The following SYTL2 variants were observed in gnomAD, a reference collection of about 807,000 sequenced individuals.
SYTL2 encodes synaptotagmin-like protein 2.
SYTL2 carries 165 observed loss-of-function variants against 198.7 expected under a neutral mutation model. The observed-to-expected ratio is 0.83, with a 90% CI of 0.73 to 0.94. SYTL2 has a LOEUF of 0.94. SYTL2 is among the 40% of genes least tolerant of loss of function. SYTL2 has a pLI of 0.00. For missense variants in SYTL2, 2,835 were observed against 2,582.8 expected (o/e 1.10, Z -2.12); for synonymous variants, 966 against 917.7 (o/e 1.05, Z -0.95).
At chr11:85,790,587 T>G (rs1200196386) in intron 1 of SYTL2, among the ~76,000 whole-genome samples, 1 of 152,224 alleles carries the variant, frequency 6.6e-6, no homozygotes, top group Non-Finnish European at 1.5e-5. Context: ...ACCCTGTGCC[T>G]TCTCTCCCAT....
chr11:85,714,283 T>C (rs759157755), intron 12 of SYTL2, 130 bp downstream of exon 12: 6 of 691,724 alleles, frequency 8.7e-6, no homozygotes, highest in South Asian at 1.9e-5. Context: ...TTCTATTGAC[T>C]TGAAAGGCAA....
At position 85,724,207 on chromosome 11, in the gene SYTL2, T is replaced by TTCTA. The variant is rs2088789129; in HGVS notation, c.5150_5151insTAGA (p.Gln1717HisfsTer18). 6.3e-7 allele frequency: 1 copy of TTCTA among 1,593,294 alleles called. No individual in the cohort carries two copies. The highest frequency in any genetic ancestry group is 1.4e-5 in the African/African-American group (1 of 73,384). ...CTTTGTTCATCAGGAGAGGAATGGG[T>TTCTA]TGCCTATTTCTGGACACACTAATTG... On this transcript the variant is annotated frameshift_variant, in exon 8 of 20. Coordinates refer to ENST00000359152, the MANE Select transcript of SYTL2 (RefSeq NM_206927.4). LOFTEE classifies it high-confidence loss of function.
rs547718347 is a variant in SYTL2 at position 85,705,163 on chromosome 11, C to T, written c.6019-135G>A. 2.2e-4 allele frequency: 126 copies of T among 579,984 alleles called. 1 individual carries two copies. The highest frequency in any genetic ancestry group is 1.6e-3 in the Admixed American group (52 of 32,156). The allele number at this position is 579,984 out of a possible 1,614,324, so 35.9% of individuals were successfully genotyped here. On this transcript the variant is annotated intron_variant, in intron 15 of 19. Transcript: ENST00000359152. ...TAGGTTTCGAGTCCCAAAAATATTG[C>T]AAAGTCATCTTATTCTAAGCATCTT... is the stretch of plus-strand genomic sequence containing the variant.
At chr11:85,698,136 G>A (rs1023289466) in intron 17 of SYTL2, 58 bp from the exon 18 acceptor site, 22 of 1,121,468 alleles carry the variant, frequency 2.0e-5, no homozygotes, top group East Asian at 7.1e-5. Flanking sequence ...GCAATACTGC[G>A]TCCAAAGATG....
In SYTL2 at chr11:85,724,292, C is replaced by T. The variant is rs543652083; in HGVS notation, c.5066G>A (p.Ser1689Asn). The T allele has an allele frequency of 2.0e-5, 32 of 1,564,244 alleles. No individual in the cohort carries two copies. The South Asian group carries it at 3.0e-4, about 15-fold the overall frequency. The stretch of plus-strand genomic sequence containing the variant: ...AGTCCCTTGTCCCCCTGCAACCCCA[C>T]TTTCACTGTCCCTGTCCTCTGGGGG... ...VTPPEDRDSE[S>N]GVAGGQGTLQ... is the part of the protein sequence containing the mutation. Residue 1689 changes from serine (S) to asparagine (N), a missense_variant, in exon 8 of 20, where the codon AGT (serine) becomes AAT (asparagine). This residue lies in a region of SYTL2 where 2,645 missense variants were observed against 2,381.7 expected (regional missense o/e 1.11). Transcript: ENST00000359152.
intron 6 of SYTL2, among the ~76,000 whole-genome samples, 155 bp downstream of exon 6, chr11:85,736,346 T>G: frequency 6.6e-6 from 1 of 152,148 alleles, no homozygotes. Flanking sequence ...TTCCTCTCCC[T>G]CAGGAAGGAA....
chr11:85,844,538 T>C, the SYTL2 span, among the ~76,000 whole-genome samples: 3,101 of 152,314 alleles, frequency 0.02, 112 homozygotes, highest in African/African-American at 0.069. Context: ...TAATAGTAGT[T>C]TCATAGACTA....
At chr11:85,737,551 T>G in intron 5 of SYTL2, 24 bp downstream of exon 5, 13 of 1,590,574 alleles carry the variant, frequency 8.2e-6, no homozygotes, top group Non-Finnish European at 9.5e-6. Context: ...AATACAAGAT[T>G]TTCAAAATCT....
At chr11:85,733,052 A>G (rs575141928) in intron 7 of SYTL2, among the ~76,000 whole-genome samples, 2 of 152,292 alleles carry the variant, frequency 1.3e-5, no homozygotes, top group South Asian at 4.2e-4. Context: ...AACTCACACA[A>G]GCTGAAGGAG....
rs544117089 is a variant in SYTL2, at chr11:85,745,683, C to G, written c.343G>C (p.Gly115Arg). The G allele has an allele frequency of 5.9e-5, 96 of 1,613,972 alleles. No homozygotes were observed. The South Asian group carries it at 9.4e-4, about 16-fold the overall frequency. The part of the protein sequence containing the change: ...KDAFLPPELA[G>R]VVEEPEEDAA... ...TCTTCTTCTGGCTCTTCTACAACGC[C>G]AGCCAGCTCTGGAGGAAGGAAAGCA... The change falls in exon 4 of 20, where the codon GGC (glycine) becomes CGC (arginine). Residue 115 changes from glycine (G) to arginine (R), a missense_variant. Gly to Arg is a moderately radical substitution (Grantham distance 125). Around this residue, in one of 3 missense-constraint regions of SYTL2, gnomAD observed 2,645 missense variants for 2,381.7 expected, o/e 1.11. Coordinates refer to ENST00000359152, the MANE Select transcript of SYTL2 (RefSeq NM_206927.4).
In SYTL2 at chr11:85,705,006, A is replaced by G. The variant is rs768559805; in HGVS notation, c.6041T>C (p.Leu2014Ser). 1 of 1,611,978 alleles carries G rather than the reference A, an allele frequency of 6.2e-7. No homozygotes were observed. The highest frequency in any genetic ancestry group is 8.5e-7 in the Non-Finnish European group (1 of 1,178,846). The change falls in exon 16 of 20, where the codon TTA becomes TCA. Residue 2014 changes from leucine (L) to serine (S), a missense_variant. Around this residue, in one of 3 missense-constraint regions of SYTL2, gnomAD observed 2,645 missense variants for 2,381.7 expected, o/e 1.11. Transcript: ENST00000359152. Reference protein sequence around the residue: ...ILRYKIEKQILKTQKLNLSIW... With the variant: ...ILRYKIEKQISKTQKLNLSIW... ...GGACAGGTTCAATTTCTGTGTCTTT[A>G]AGATTTGTTTTTCAATTTTATACTG...
intron 7 of SYTL2, among the ~76,000 whole-genome samples, chr11:85,729,884 G>C (rs756623744): frequency 7.2e-5 from 11 of 152,028 alleles, no homozygotes; most frequent in Non-Finnish European, 1.3e-4. Flanking sequence ...GAATCAAATA[G>C]ACACAATAAA....
chr11:85,747,132 A>G (rs1387933936), intron 3 of SYTL2, among the ~76,000 whole-genome samples: 1 of 152,226 alleles, frequency 6.6e-6, no homozygotes, highest in Non-Finnish European at 1.5e-5. Context: ...GTATTTAATG[A>G]ACTTGATAGA....
the SYTL2 span, chr11:85,853,273 T>A: frequency 4.6e-6 from 2 of 436,140 alleles, no homozygotes; most frequent in Non-Finnish European, 9.1e-6. Context: ...GTGTCTTGAG[T>A]AGAAAAAAGT....
At chr11:85,792,890 G>A (rs933775402) in intron 1 of SYTL2, among the ~76,000 whole-genome samples, 6 of 151,490 alleles carry the variant, frequency 4.0e-5, no homozygotes, top group African/African-American at 1.5e-4. Flanking sequence ...TTGGGTTTTT[G>A]TTCTTGCGAT....
chr11:85,763,008 C>T (rs1261498850), intron 1 of SYTL2, among the ~76,000 whole-genome samples: 2 of 151,956 alleles, frequency 1.3e-5, no homozygotes, highest in Non-Finnish European at 2.9e-5. Context: ...TCCCCCTGAA[C>T]ATGAACATAG....
intron 2 of SYTL2, 70 bp downstream of exon 2, chr11:85,757,555 C>G: frequency 6.5e-7 from 1 of 1,547,118 alleles, no homozygotes; most frequent in Non-Finnish European, 8.8e-7. Flanking sequence ...TTGAAAAAAA[C>G]CCCAGTGTCC....
chr11:85,753,846 T>A (rs1022609487), intron 2 of SYTL2, among the ~76,000 whole-genome samples: 11 of 151,754 alleles, frequency 7.2e-5, no homozygotes, highest in African/African-American at 2.7e-4. Flanking sequence ...TGAGCTTGGC[T>A]GTGAACAAGT....
At chr11:85,848,397 A>G in the SYTL2 span, among the ~76,000 whole-genome samples, 2 of 152,128 alleles carry the variant, frequency 1.3e-5, no homozygotes, top group Admixed American at 1.3e-4. Flanking sequence ...TGCAAAGTCA[A>G]AAAGATTTTT....
Sources: gnomAD v4.1 joint callset for allele counts (sites outside exome capture counted in the v4.1 genomes callset) on GRCh38, gnomAD v4.1.1 for gene constraint, gnomAD v4.1.1 regional missense constraint, MANE v1.5 for transcripts, NCBI Gene and HGNC (gene_info 2026-07-23, HGNC 2026-07-21) for gene names.